The following TMEM182 variants were observed in gnomAD, a reference collection of about 807,000 sequenced individuals.
TMEM182 encodes the protein transmembrane protein 182.
A neutral mutation model predicts 26.8 loss-of-function variants in TMEM182; 20 were observed. The ratio of observed to expected loss-of-function variants is 0.75; its 90% CI spans 0.53 to 1.09. The LOEUF (loss-of-function observed/expected upper bound fraction) is 1.09. TMEM182 is among the 50% of genes least tolerant of loss of function. TMEM182 has a pLI of 0.00. For missense variants in TMEM182, 277 were observed against 275.5 expected, an observed-to-expected ratio of 1.01 and a Z score of -0.04; for synonymous variants, 109 against 102.2, an observed-to-expected ratio of 1.07 and a Z score of -0.40.
At chr2:102,752,794 C>G (rs1341970337) in intron 1 of TMEM182, among the ~76,000 whole-genome samples, 1 of 152,192 alleles carries the variant, frequency 6.6e-6, no homozygotes, top group East Asian at 1.9e-4. Flanking sequence ...TAGTAACATA[C>G]CCCAGAGACA....
At chr2:102,840,152 A>C (rs1439635698) in intron 3 of TMEM182, among the ~76,000 whole-genome samples, 1 of 152,204 alleles carries the variant, frequency 6.6e-6, no homozygotes, top group Non-Finnish European at 1.5e-5. Flanking sequence ...TTTCCATTGA[A>C]AACCCAGGAA....
intron 4 of TMEM182, among the ~76,000 whole-genome samples, chr2:102,803,100 G>A (rs1201123510): frequency 6.6e-6 from 1 of 152,180 alleles, no homozygotes; most frequent in African/African-American, 2.4e-5. Context: ...GCTCATGGAA[G>A]CAAAGGGTAT....
At chr2:102,826,264 G>A (rs1683028073) in intron 3 of TMEM182, among the ~76,000 whole-genome samples, 1 of 151,074 alleles carries the variant, frequency 6.6e-6, no homozygotes, top group South Asian at 2.1e-4. Flanking sequence ...CAAAATAACT[G>A]GGCAAAGCCC....
At chr2:102,786,508 C>T (rs145796487) in intron 3 of TMEM182, among the ~76,000 whole-genome samples, 1,605 of 152,238 alleles carry the variant, frequency 0.011, 31 homozygotes, top group African/African-American at 0.037. Flanking sequence ...CCACCGCGTC[C>T]AGCCTGAGCT....
At chr2:102,782,663 C>T (rs1681221908) in intron 3 of TMEM182, among the ~76,000 whole-genome samples, 1 of 152,110 alleles carries the variant, frequency 6.6e-6, no homozygotes, top group African/African-American at 2.4e-5. Context: ...CCTCCATTTC[C>T]ATAACTTTTT....
rs898878346 is a variant in TMEM182 at position 102,815,295 on chromosome 2, C to T, written c.*327C>T. The T allele has an allele frequency of 9.8e-6, 10 of 1,023,046 alleles. No individual in the cohort carries two copies. Among genetic ancestry groups the T allele is most frequent in the South Asian group, 8.6e-5 (2 of 23,380 alleles). 63.4% of individuals were successfully genotyped at this position (1,023,046 alleles called of 1,614,324 possible). On this transcript the variant is annotated 3_prime_UTR_variant, in exon 5 of 5. Coordinates refer to ENST00000412401, the MANE Select transcript of TMEM182 (RefSeq NM_144632.5). The stretch of plus-strand genomic sequence containing the variant: ...TAATACCATGACATGGGGAAAATCT[C>T]GATAGATTTGGCTTAAAGTCTCCTT...
intron 3 of TMEM182, among the ~76,000 whole-genome samples, chr2:102,792,280 G>A (rs1681680882): frequency 6.6e-6 from 1 of 152,064 alleles, no homozygotes; most frequent in South Asian, 2.1e-4. Flanking sequence ...AAGAATCATA[G>A]CAAATATACT....
At chr2:102,811,024 G>A (rs1235201584) in intron 4 of TMEM182, among the ~76,000 whole-genome samples, 1 of 110,332 alleles carries the variant, frequency 9.1e-6, no homozygotes. Flanking sequence ...CTCCGTTCAA[G>A]TTTTTCTAAC....
At chr2:102,750,020 A>G (rs939690173) in intron 1 of TMEM182, among the ~76,000 whole-genome samples, 3 of 151,972 alleles carry the variant, frequency 2.0e-5, no homozygotes, top group Non-Finnish European at 2.9e-5. Context: ...ATATTAATTA[A>G]TTTATAATAA....
intron 3 of TMEM182, among the ~76,000 whole-genome samples, chr2:102,784,775 C>G (rs1681318521): frequency 6.6e-6 from 1 of 152,170 alleles, no homozygotes; most frequent in Admixed American, 6.5e-5. Context: ...CTGACGTTGC[C>G]ATGGCATTTT....
rs1282279122 is a variant in TMEM182 at position 102,816,850 on chromosome 2, G to A, written c.*1882G>A. ...GAATGGAGCCTTTTTCTGGTGTACT[G>A]TATGCCATTTAAGTTTCACATACAA... On this transcript the variant is annotated 3_prime_UTR_variant, in exon 5 of 5. Coordinates refer to ENST00000412401, the MANE Select transcript of TMEM182 (RefSeq NM_144632.5). The A allele has an allele frequency of 1.0e-6, 1 of 985,660 alleles. No homozygotes were observed. Among genetic ancestry groups the A allele is most frequent in the Non-Finnish European group, 1.2e-6 (1 of 829,922 alleles). 61.1% of individuals were successfully genotyped at this position (985,660 alleles called of 1,614,324 possible).
chr2:102,772,108 C>G (rs190857184), intron 3 of TMEM182, among the ~76,000 whole-genome samples: 1 of 152,314 alleles, frequency 6.6e-6, no homozygotes, highest in African/African-American at 2.4e-5. Flanking sequence ...CTTCCACTGC[C>G]TTCTTTCATG....
intron 4 of TMEM182, among the ~76,000 whole-genome samples, chr2:102,799,611 A>T (rs1158921623): frequency 6.6e-6 from 1 of 152,178 alleles, no homozygotes; most frequent in Admixed American, 6.5e-5. Context: ...ATGGTCATAG[A>T]CTAAGTGGGG....
At chr2:102,776,457 G>A (rs891744951) in intron 3 of TMEM182, among the ~76,000 whole-genome samples, 1 of 152,084 alleles carries the variant, frequency 6.6e-6, no homozygotes, top group Non-Finnish European at 1.5e-5. Flanking sequence ...CTTAGTATGT[G>A]CATTTAAGGT....
At chr2:102,837,772 C>T (rs1683273924) in intron 3 of TMEM182, among the ~76,000 whole-genome samples, 1 of 152,138 alleles carries the variant, frequency 6.6e-6, no homozygotes, top group African/African-American at 2.4e-5. Flanking sequence ...TCCTGCTTTC[C>T]CCAGACCCAA....
intron 1 of TMEM182, chr2:102,737,074 C>A: frequency 2.1e-6 from 1 of 465,482 alleles, no homozygotes; most frequent in Non-Finnish European, 3.8e-6. Flanking sequence ...TGGGTACAGA[C>A]CCTGCTGCCC....
In TMEM182 at chr2:102,803,821, G is replaced by A. The variant is rs7598004; in HGVS notation, c.469+5821G>A. Among the ~76,000 whole-genome samples, 678 of 152,182 alleles carry A rather than the reference G, an allele frequency of 4.5e-3. 4 individuals carry two copies. Among genetic ancestry groups the A allele is most frequent in the African/African-American group, 0.016 (661 of 41,506 alleles). On this transcript the variant is annotated intron_variant, in intron 4 of 4. Transcript: ENST00000412401. The stretch of plus-strand genomic sequence containing the variant: ...GCAGGACGGCTTAGGAAGAACTGCC[G>A]ACAGCCTGGAGGCAGGCTGTCTACA...
chr2:102,804,309 C>G (rs893758433), intron 4 of TMEM182, among the ~76,000 whole-genome samples: 6 of 152,070 alleles, frequency 3.9e-5, no homozygotes, highest in Admixed American at 2.0e-4. Flanking sequence ...TCCCTTGCCC[C>G]CTTCTACCCT....
chr2:102,750,918 T>G (rs1226634075), intron 1 of TMEM182, among the ~76,000 whole-genome samples: 2 of 152,124 alleles, frequency 1.3e-5, no homozygotes, highest in African/African-American at 4.8e-5. Context: ...GAAGTCCAGA[T>G]CAGGGTGCAA....
Sources: allele counts gnomAD v4.1 joint callset (sites outside exome capture counted in the v4.1 genomes callset), GRCh38; gene constraint gnomAD v4.1.1; transcripts MANE v1.5; gene names NCBI Gene and HGNC (gene_info 2026-07-23, HGNC 2026-07-21).